Variants in NEXMIF observed in about 807,000 individuals in gnomAD.
The protein encoded by NEXMIF is XLMR protein related to neurite extension.
Under a neutral mutation model 62.1 loss-of-function variants are expected in NEXMIF, and 8 were observed. That is an observed-to-expected ratio of 0.13 (90% confidence interval 0.08 to 0.23). The LOEUF is 0.23. Among genes scored for constraint, NEXMIF ranks in the 10% least tolerant of loss-of-function variants. The pLI, the probability that NEXMIF is intolerant of heterozygous loss-of-function variation, is 1.00. For missense variants in NEXMIF, 976 were observed against 1,113.3 expected (o/e 0.88, Z 1.75); for synonymous variants, 404 against 416.6 (o/e 0.97, Z 0.37).
chrX:74,835,055 C>A (rs1286325585), intron 1 of NEXMIF, among the ~76,000 whole-genome samples: 1 of 111,813 alleles, frequency 8.9e-6, no homozygotes, highest in Non-Finnish European at 1.9e-5. Context: ...CTCACTAATT[C>A]TTTCTTGTGC....
At chrX:74,861,046 C>T (rs181402314) in intron 1 of NEXMIF, among the ~76,000 whole-genome samples, 4 of 111,633 alleles carry the variant, frequency 3.6e-5, no homozygotes, top group Non-Finnish European at 5.7e-5. Context: ...TAAACAAAAT[C>T]GGAGCTAAAA....
intron 1 of NEXMIF, among the ~76,000 whole-genome samples, chrX:74,895,111 G>A (rs2080728967): frequency 2.7e-5 from 3 of 112,208 alleles, no homozygotes; most frequent in Admixed American, 9.5e-5. Context: ...AAACAAATTC[G>A]GTGATGTTTC....
At chrX:74,763,668 A>G (rs1460257736) in intron 1 of NEXMIF, among the ~76,000 whole-genome samples, 1 of 111,261 alleles carries the variant, frequency 9.0e-6, no homozygotes, top group Admixed American at 9.6e-5. Flanking sequence ...AGTTCTCCTT[A>G]AAGAGGTCCT....
intron 1 of NEXMIF, among the ~76,000 whole-genome samples, chrX:74,768,629 A>AT (rs921372340): frequency 8.9e-6 from 1 of 112,106 alleles, no homozygotes; most frequent in Non-Finnish European, 1.9e-5. Context: ...TAAGAAGAGC[A>AT]TAGGGAAAAC....
At chrX:74,862,110 G>T (rs923726426) in intron 1 of NEXMIF, among the ~76,000 whole-genome samples, 6 of 111,295 alleles carry the variant, frequency 5.4e-5, no homozygotes, top group Non-Finnish European at 7.5e-5. Context: ...CACGTGCAAA[G>T]ACACACATAG....
At chrX:74,894,081 CAGG>C (rs764022825) in intron 1 of NEXMIF, among the ~76,000 whole-genome samples, 2 of 110,355 alleles carry the variant, frequency 1.8e-5, no homozygotes, top group Non-Finnish European at 3.8e-5. Context: ...CACTTGAGTC[CAGG>C]AGTTCAAGAC....
chrX:74,853,739 A>G (rs1047328070), intron 1 of NEXMIF, among the ~76,000 whole-genome samples: 1 of 111,407 alleles, frequency 9.0e-6, no homozygotes, highest in African/African-American at 3.3e-5. Flanking sequence ...AATCACAAAT[A>G]GAAAAGGAGA....
chrX:74,900,292 C>T (rs868088530), intron 1 of NEXMIF, among the ~76,000 whole-genome samples: 16 of 108,803 alleles, frequency 1.5e-4, no homozygotes, highest in African/African-American at 5.4e-4. Context: ...GTGAAAATCC[C>T]GTCTCTACTA....
rs774834561 is a variant in NEXMIF at position 74,744,418 on chromosome X, T to C, written c.139A>G (p.Ile47Val). The C allele has an allele frequency of 2.1e-5, 25 of 1,209,269 alleles. No individual in the cohort carries two copies. The highest frequency in any genetic ancestry group is 2.8e-5 in the Non-Finnish European group (25 of 894,181). The change falls in exon 3 of 4, where the codon ATC (isoleucine) becomes GTC (valine). Residue 47 changes from isoleucine to valine, a missense_variant. Coordinates refer to ENST00000055682, the MANE Select transcript of NEXMIF (RefSeq NM_001008537.3). ...SFAALEAAAPIQPTPVAQKET... is the reference protein window; with the variant it reads ...SFAALEAAAPVQPTPVAQKET... ...TTTTGTGCCACCGGTGTAGGCTGGA[T>C]AGGTGCAGCAGCTTCTAGAGCTGCA...
intron 1 of NEXMIF, among the ~76,000 whole-genome samples, chrX:74,827,053 C>A (rs886823589): frequency 8.9e-6 from 1 of 112,225 alleles, no homozygotes; most frequent in African/African-American, 3.2e-5. Context: ...TATCTACCCA[C>A]TAATTATAAG....
At chrX:74,887,136 T>C (rs1300632591) in intron 1 of NEXMIF, among the ~76,000 whole-genome samples, 11 of 112,248 alleles carry the variant, frequency 9.8e-5, no homozygotes, top group Non-Finnish European at 1.3e-4. Flanking sequence ...TTACACCTTA[T>C]ACAAAAATTA....
intron 1 of NEXMIF, among the ~76,000 whole-genome samples, chrX:74,752,728 A>C (rs1450730204): frequency 8.9e-6 from 1 of 111,819 alleles, no homozygotes; most frequent in Non-Finnish European, 1.9e-5. Context: ...TAACTTTTAA[A>C]CCTTATAACT....
chrX:74,829,680 G>C (rs936906470), intron 1 of NEXMIF, among the ~76,000 whole-genome samples: 10 of 111,837 alleles, frequency 8.9e-5, no homozygotes, highest in Non-Finnish European at 1.9e-4. Context: ...CAGTGTAGGA[G>C]AGTTCCCTTT....
chrX:74,820,417 T>A (rs760301494), intron 1 of NEXMIF, among the ~76,000 whole-genome samples: 1 of 111,130 alleles, frequency 9.0e-6, no homozygotes, highest in South Asian at 3.9e-4. Flanking sequence ...GGAATGCAAA[T>A]TAGTTCAGCC....
intron 1 of NEXMIF, among the ~76,000 whole-genome samples, chrX:74,822,760 T>C (rs2080401333): frequency 8.9e-6 from 1 of 112,029 alleles, no homozygotes; most frequent in African/African-American, 3.2e-5. Flanking sequence ...TGTAGATAAA[T>C]TGGTCCCTCT....
intron 1 of NEXMIF, among the ~76,000 whole-genome samples, chrX:74,885,711 C>T (rs1262611641): frequency 8.9e-6 from 1 of 111,763 alleles, no homozygotes; most frequent in African/African-American, 3.3e-5. Flanking sequence ...CTGAATTCTA[C>T]CAGAGGTACA....
intron 1 of NEXMIF, among the ~76,000 whole-genome samples, chrX:74,811,916 C>A (rs1334958318): frequency 8.8e-6 from 1 of 113,078 alleles, no homozygotes; most frequent in Non-Finnish European, 1.9e-5. Flanking sequence ...GGAGAAAACT[C>A]TCTAAGTAAG....
At chrX:74,807,068 T>C (rs775544348) in intron 1 of NEXMIF, among the ~76,000 whole-genome samples, 2 of 112,662 alleles carry the variant, frequency 1.8e-5, no homozygotes, top group Non-Finnish European at 3.7e-5. Context: ...ACTTTGTTGA[T>C]ATCCACAAAA....
At chrX:74,854,919 AAAAC>A (rs1417542734) in intron 1 of NEXMIF, among the ~76,000 whole-genome samples, 11 of 112,373 alleles carry the variant, frequency 9.8e-5, no homozygotes, top group Non-Finnish European at 1.9e-4. Flanking sequence ...AATGAAACAG[AAAAC>A]AAACAAATAA....
Sources: gnomAD v4.1 joint callset for allele counts (sites outside exome capture counted in the v4.1 genomes callset) on GRCh38, gnomAD v4.1.1 for gene constraint, MANE v1.5 for transcripts, NCBI Gene and HGNC (gene_info 2026-07-23, HGNC 2026-07-21) for gene names.